The following MALRD1 variants were observed in gnomAD, a reference collection of about 807,000 sequenced individuals.
MALRD1 encodes the protein MAM and LDL receptor class A domain containing 1.
In MALRD1, 247 loss-of-function variants were observed where a neutral mutation model predicts 242.1. The observed-to-expected ratio is 1.02, with a 90% CI of 0.92 to 1.13. The LOEUF (loss-of-function observed/expected upper bound fraction) is 1.13, where lower values mean the gene tolerates loss of function less well. Among genes scored for constraint, MALRD1 ranks in the 50% most tolerant of loss-of-function variants. MALRD1 has a pLI of 0.00. For missense variants in MALRD1, 2,989 were observed against 2,533.1 expected (o/e 1.18, Z -3.86); for synonymous variants, 995 against 866.6 (o/e 1.15, Z -2.60).
chr10:19,148,251 T>C lies in MALRD1; in HGVS notation c.1558+1907T>C, dbSNP rs575107545. Among the ~76,000 whole-genome samples the C allele has an allele frequency of 2.6e-5, 4 of 151,984 alleles. No homozygotes were observed. In the East Asian group the frequency reaches 7.8e-4, roughly 30 times the overall value. Reference sequence around the variant, plus strand: ...CTGTGCGGGCAGTGTGTCACGGTGGTCTGATGTGAGCATACCATAACCAGT... The same window carrying C: ...CTGTGCGGGCAGTGTGTCACGGTGGCCTGATGTGAGCATACCATAACCAGT... On this transcript the variant is annotated intron_variant, in intron 11 of 39. Coordinates refer to ENST00000454679, the MANE Select transcript of MALRD1 (RefSeq NM_001142308.3).
chr10:19,621,445 T>C (rs1461103202), intron 36 of MALRD1, among the ~76,000 whole-genome samples: 1 of 150,478 alleles, frequency 6.6e-6, no homozygotes, highest in Non-Finnish European at 1.5e-5. Context: ...AAAATGAAAT[T>C]GAAAAAGTAA....
At chr10:19,231,790 C>T (rs141779702) in intron 18 of MALRD1, among the ~76,000 whole-genome samples, 213 of 152,090 alleles carry the variant, frequency 1.4e-3, no homozygotes, top group African/African-American at 4.9e-3. Context: ...CAAACTAGTA[C>T]AGTCTGTTCT....
At chr10:19,254,895 A>G (rs1026768555) in intron 18 of MALRD1, among the ~76,000 whole-genome samples, 1 of 152,008 alleles carries the variant, frequency 6.6e-6, no homozygotes, top group African/African-American at 2.4e-5. Context: ...CATTTCTCTT[A>G]TGAGTTAACT....
Position 19,370,407 on chromosome 10 carries a change from T to A in MALRD1, c.4442-17121T>A, listed in dbSNP as rs575698944. On this transcript the variant is annotated intron_variant, in intron 26 of 39. Coordinates refer to ENST00000454679, the MANE Select transcript of MALRD1 (RefSeq NM_001142308.3). ...ATTCTTTCATTTGTCTCAGTGCTGC[T>A]TTTTAGTTTGATTGTATAGATCTTG... Among the ~76,000 whole-genome samples, 708 of 152,286 alleles carry A rather than the reference T, an allele frequency of 4.6e-3. 8 individuals carry two copies. Among genetic ancestry groups the A allele is most frequent in the African/African-American group, 0.016 (660 of 41,552 alleles).
chr10:19,221,569 T>G (rs1837556737), intron 18 of MALRD1, among the ~76,000 whole-genome samples: 1 of 152,160 alleles, frequency 6.6e-6, no homozygotes, highest in African/African-American at 2.4e-5. Flanking sequence ...ATGCAAAGCT[T>G]AGTTTTCAGT....
intron 29 of MALRD1, among the ~76,000 whole-genome samples, chr10:19,487,642 A>T (rs193115759): frequency 9.9e-5 from 15 of 152,200 alleles, no homozygotes; most frequent in Non-Finnish European, 2.1e-4. Flanking sequence ...AAATAATCTC[A>T]AATGCATAGA....
intron 5 of MALRD1, among the ~76,000 whole-genome samples, chr10:19,122,915 G>A (rs778525100): frequency 1.4e-4 from 22 of 151,978 alleles, no homozygotes; most frequent in African/African-American, 4.3e-4. Flanking sequence ...TAATAGAGAC[G>A]GGGTTTCACC....
chr10:19,731,754 A>G (rs1835306067), intron 39 of MALRD1, among the ~76,000 whole-genome samples: 1 of 152,216 alleles, frequency 6.6e-6, no homozygotes, highest in African/African-American at 2.4e-5. Flanking sequence ...TCCGAACTGT[A>G]AAAGTTTTAT....
At chr10:19,336,555 T>C (rs916178202) in intron 24 of MALRD1, among the ~76,000 whole-genome samples, 1 of 152,200 alleles carries the variant, frequency 6.6e-6, no homozygotes, top group Non-Finnish European at 1.5e-5. Context: ...AGGGTATACC[T>C]TCTGAATTAG....
At chr10:19,601,082 A>T (rs1270279685) in intron 34 of MALRD1, among the ~76,000 whole-genome samples, 1 of 152,020 alleles carries the variant, frequency 6.6e-6, no homozygotes, top group Non-Finnish European at 1.5e-5. Context: ...GGGTCTTGCT[A>T]GGTGGCTCAG....
At chr10:19,503,142 T>G (rs1485571593) in intron 31 of MALRD1, among the ~76,000 whole-genome samples, 1 of 152,232 alleles carries the variant, frequency 6.6e-6, no homozygotes, top group African/African-American at 2.4e-5. Flanking sequence ...AGTGCTCTCT[T>G]CAAAGCAGCC....
Position 19,553,275 on chromosome 10 carries a change from CA to C in MALRD1, c.5479-14226del, listed in dbSNP as rs1008019417. On this transcript the variant is annotated intron_variant, in intron 32 of 39. Coordinates refer to ENST00000454679, the MANE Select transcript of MALRD1 (RefSeq NM_001142308.3). ...AAATTTCCAATTTAAAATTTCATAT[CA>C]GTAGGAAAATATTAAAAAATAGTTT... Among the ~76,000 whole-genome samples, 7 of 152,098 alleles carry C rather than the reference CA, an allele frequency of 4.6e-5. No individual in the cohort carries two copies. The South Asian group carries it at 8.3e-4, about 18-fold the overall frequency.
In MALRD1 at chr10:19,560,662, G is replaced by A. The variant is rs545831178; in HGVS notation, c.5479-6840G>A. Among the ~76,000 whole-genome samples, 634 of 152,126 alleles carry A rather than the reference G, an allele frequency of 4.2e-3. 7 individuals are homozygous for A. The highest frequency in any genetic ancestry group is 6.5e-3 in the Non-Finnish European group (443 of 68,018). ...AAAGGATGAGTTCATGTCTTTTGCC[G>A]GGACATGGATGAAGCTGGAAACCAT... On this transcript the variant is annotated intron_variant, in intron 32 of 39. Transcript: ENST00000454679.
At chr10:19,718,001 T>TAAAA (rs71287313) in intron 38 of MALRD1, among the ~76,000 whole-genome samples, 14,915 of 131,442 alleles carry the variant, frequency 0.11, 1,016 homozygotes, top group African/African-American at 0.16. Flanking sequence ...AGATTCTACC[T>TAAAA]AAATAAATAA....
At chr10:19,203,664 T>TTTTCAAATTGA in intron 14 of MALRD1, 64 bp from the exon 15 acceptor site, 1 of 1,435,366 alleles carries the variant, frequency 7.0e-7, no homozygotes, top group Non-Finnish European at 9.3e-7. Flanking sequence ...ATTTGAGCTC[T>TTTTCAAATTGA]GCCTTTTCAA....
Position 19,595,246 on chromosome 10 carries a change from C to A in MALRD1, c.5733C>A (p.Ile1911=). 1 of 1,550,542 alleles carries A rather than the reference C, an allele frequency of 6.4e-7. No individual in the cohort carries two copies. The highest frequency in any genetic ancestry group is 8.7e-7 in the Non-Finnish European group (1 of 1,146,910). Residue 1911 remains isoleucine, a synonymous_variant, in exon 34 of 40, where the codon ATC becomes ATA. Transcript: ENST00000454679. The stretch of plus-strand genomic sequence containing the variant: ...GTGAAGCTGATCAGTTTTCTTGTAT[C>A]TACACACTCCAATGTGTCCCTCTCT... ...SPCEADQFSC[I]YTLQCVPLSG...
At chr10:19,117,972 A>G (rs1836930674) in intron 5 of MALRD1, among the ~76,000 whole-genome samples, 1 of 152,204 alleles carries the variant, frequency 6.6e-6, no homozygotes, top group South Asian at 2.1e-4. Context: ...CATTGCGTTC[A>G]CCAAGCTTAC....
At chr10:19,200,489 C>T (rs1241613432) in intron 14 of MALRD1, among the ~76,000 whole-genome samples, 1 of 152,096 alleles carries the variant, frequency 6.6e-6, no homozygotes, top group African/African-American at 2.4e-5. Flanking sequence ...ATTACCAGCT[C>T]AGACTTCAGA....
In MALRD1 at chr10:19,713,343, A is replaced by G. The variant is rs552910355; in HGVS notation, c.6315-17363A>G. On this transcript the variant is annotated intron_variant, in intron 38 of 39. Transcript: ENST00000454679. ...GGAACCATATCCAGATAAGACCAAA[A>G]CCATACATAAACCACACTCTGAGTA... Among the ~76,000 whole-genome samples, 73 of 152,302 alleles carry G rather than the reference A, an allele frequency of 4.8e-4. 1 individual carries two copies. In the South Asian group the frequency reaches 0.015, roughly 31 times the overall value.
Sources: allele counts gnomAD v4.1 joint callset (sites outside exome capture counted in the v4.1 genomes callset), GRCh38; gene constraint gnomAD v4.1.1; transcripts MANE v1.5; gene names NCBI Gene and HGNC (gene_info 2026-07-23, HGNC 2026-07-21).